Variants in LONRF3 observed in about 807,000 individuals in gnomAD.
The protein encoded by LONRF3 is LON peptidase N-terminal domain and RING finger protein 3.
Under a neutral mutation model 51.7 loss-of-function variants are expected in LONRF3, and 19 were observed. That is an observed-to-expected ratio of 0.37 (90% CI 0.26 to 0.54). The LOEUF (loss-of-function observed/expected upper bound fraction) is 0.54. Among genes scored for constraint, LONRF3 ranks in the 20% least tolerant of loss-of-function variants. The probability of loss-of-function intolerance (pLI) is 0.86; values close to 1 mark genes in which losing one functional copy is unlikely to be tolerated. For synonymous variants in LONRF3, 265 were observed against 257.8 expected, an observed-to-expected ratio of 1.03 and a Z score of -0.27; for missense variants, 521 against 623.9, an observed-to-expected ratio of 0.84 and a Z score of 1.76.
At chrX:118,993,788 A>C (rs969708445) in intron 5 of LONRF3, among the ~76,000 whole-genome samples, 2 of 111,822 alleles carry the variant, frequency 1.8e-5, no homozygotes, top group Non-Finnish European at 3.8e-5. Context: ...GCACCAGCTA[A>C]CCTATAAAGG....
At chrX:119,002,182 T>G (rs1418198933) in intron 5 of LONRF3, among the ~76,000 whole-genome samples, 1 of 112,224 alleles carries the variant, frequency 8.9e-6, no homozygotes, top group Non-Finnish European at 1.9e-5. Context: ...GTAACCCCTC[T>G]CAGTTCAAGA....
At chrX:118,998,503 G>A (rs373946250) in intron 5 of LONRF3, among the ~76,000 whole-genome samples, 9 of 110,719 alleles carry the variant, frequency 8.1e-5, no homozygotes, top group African/African-American at 3.0e-4. Flanking sequence ...CAAATACGGT[G>A]CAGTGTATAA....
intron 6 of LONRF3, among the ~76,000 whole-genome samples, chrX:119,007,016 G>A (rs1924784611): frequency 8.9e-6 from 1 of 112,395 alleles, no homozygotes; most frequent in African/African-American, 3.2e-5. Flanking sequence ...GAGCCACCAC[G>A]CCCAGCCTAT....
intron 3 of LONRF3, among the ~76,000 whole-genome samples, chrX:118,987,445 GTTTTTTTTTTTTTT>G (rs369180848): frequency 3.1e-5 from 1 of 32,304 alleles, no homozygotes; most frequent in Non-Finnish European, 4.7e-5. Flanking sequence ...GCCTGGCTAA[GTTTTTTTTTTTTTT>G]TTTTTTTTTT....
chrX:118,984,373 A>G lies in LONRF3; in HGVS notation c.1059+1430A>G, dbSNP rs1011604096. ...AGTAGCAATGGAACTTTCCAGTTCCAGGATGAACAAAGGCAGTTAGAAGAA... is the reference window on the plus strand; with the variant it reads ...AGTAGCAATGGAACTTTCCAGTTCCGGGATGAACAAAGGCAGTTAGAAGAA... On this transcript the variant is annotated intron_variant, in intron 3 of 10. Transcript: ENST00000371628. 2.7e-5 allele frequency among the ~76,000 whole-genome samples: 3 copies of G among 112,643 alleles called. No homozygotes were observed. The Admixed American group carries it at 2.8e-4, about 11-fold the overall frequency.
intron 5 of LONRF3, among the ~76,000 whole-genome samples, chrX:119,005,058 C>T (rs1363096142): frequency 8.9e-6 from 1 of 112,269 alleles, no homozygotes; most frequent in East Asian, 2.8e-4. Flanking sequence ...TGGCATGTTG[C>T]TTCTTCTACT....
chrX:118,978,998 C>CTTTTTTTTTT (rs36016675), intron 2 of LONRF3, among the ~76,000 whole-genome samples: 9 of 56,073 alleles, frequency 1.6e-4, no homozygotes, highest in Admixed American at 2.3e-4. Flanking sequence ...TGTTTTCTTT[C>CTTTTTTTTTT]TTTTTTTTTT....
intron 3 of LONRF3, among the ~76,000 whole-genome samples, chrX:118,988,030 C>T (rs752313894): frequency 9.0e-5 from 10 of 111,136 alleles, no homozygotes; most frequent in East Asian, 2.8e-4. Flanking sequence ...GGATCAGAAG[C>T]GCAGACTCCA....
intron 9 of LONRF3, among the ~76,000 whole-genome samples, chrX:119,013,713 A>G (rs1280040695): frequency 1.8e-5 from 2 of 111,843 alleles, no homozygotes; most frequent in African/African-American, 6.5e-5. Flanking sequence ...AATGGGTGGA[A>G]GAAGAGGTAA....
intron 5 of LONRF3, among the ~76,000 whole-genome samples, chrX:118,992,275 A>G (rs1603250422): frequency 1.8e-5 from 2 of 111,426 alleles, no homozygotes; most frequent in Admixed American, 1.9e-4. Flanking sequence ...GCCTCGGTCG[A>G]GTTCTCAAGT....
intron 3 of LONRF3, among the ~76,000 whole-genome samples, chrX:118,989,101 G>A (rs898755320): frequency 2.7e-5 from 3 of 111,029 alleles, no homozygotes; most frequent in African/African-American, 9.8e-5. Flanking sequence ...GGGAACTGGT[G>A]CCTATCCCTG....
rs1172209560 is a variant in LONRF3, at chrX:118,974,744, C to T, written c.-37C>T. ...CCACTCCTTGCTTCGTGTCCCCGGT[C>T]CCTAGACGCCTCGTCTCCTCCCGTG... On this transcript the variant is annotated 5_prime_UTR_variant, in exon 1 of 11. Coordinates refer to ENST00000371628, the MANE Select transcript of LONRF3 (RefSeq NM_001031855.3). 1.8e-6 allele frequency: 2 copies of T among 1,102,531 alleles called. No individual in the cohort carries two copies. The highest frequency in any genetic ancestry group is 6.5e-5 in the East Asian group (2 of 30,537). 90.9% of individuals were successfully genotyped at this position (1,102,531 alleles called of 1,213,427 possible).
chrX:119,015,636 C>T (rs1385706261), intron 10 of LONRF3, among the ~76,000 whole-genome samples: 3 of 112,268 alleles, frequency 2.7e-5, no homozygotes, highest in East Asian at 5.6e-4. Flanking sequence ...TTCCGGGAAG[C>T]GTTCTCCCTT....
In LONRF3 at chrX:119,006,221, G is replaced by A. The variant is rs758012861; in HGVS notation, c.1516G>A (p.Asp506Asn). ...CAACGCAAAGTGTCCATTGTGCAAAGACGGTCTTTCACAGGTAAATCAATA... is the reference window on the plus strand; with the variant it reads ...CAACGCAAAGTGTCCATTGTGCAAAAACGGTCTTTCACAGGTAAATCAATA... Reference protein sequence around the residue: ...DHNAKCPLCKDGLSQCLASRK... With the variant: ...DHNAKCPLCKNGLSQCLASRK... The change falls in exon 6 of 11, where the codon GAC (aspartate) becomes AAC (asparagine). Residue 506 changes from aspartate to asparagine, a missense_variant. Physicochemically the swap from Asp to Asn is conservative, Grantham distance 23 (BLOSUM62 1). Transcript: ENST00000371628. The A allele has an allele frequency of 3.4e-6, 4 of 1,165,562 alleles. No individual in the cohort carries two copies. In the Admixed American group the frequency reaches 9.0e-5, roughly 26 times the overall value.
intron 1 of LONRF3, among the ~76,000 whole-genome samples, chrX:118,976,079 C>G (rs1430933045): frequency 4.4e-5 from 5 of 113,060 alleles, no homozygotes; most frequent in East Asian, 5.7e-4. Flanking sequence ...CACTTGCGCC[C>G]GGTCCTCTGG....
chrX:118,982,503 C>T (rs1032916004), intron 2 of LONRF3, among the ~76,000 whole-genome samples: 6 of 111,365 alleles, frequency 5.4e-5, no homozygotes, highest in Non-Finnish European at 7.5e-5. Context: ...ATGGTCACTC[C>T]GTACAATGGT....
Position 118,975,170 on chromosome X carries a change from C to T in LONRF3, c.390C>T (p.Ser130=), listed in dbSNP as rs1360868397. 8 of 1,176,083 alleles carry T rather than the reference C, an allele frequency of 6.8e-6. No individual in the cohort carries two copies. The highest frequency in any genetic ancestry group is 9.1e-6 in the Non-Finnish European group (8 of 878,214). ...CGCCGGCGCCCCCGGACGAGGGTAG[C>T]ACTGCAAGCGGCACCGTGGCGGCGG... is the stretch of plus-strand genomic sequence containing the variant. ...ALAPAPPDEG[S]TASGTVAAEE... Residue 130 remains serine (S), a synonymous_variant, in exon 1 of 11, where the codon AGC becomes AGT. Coordinates refer to ENST00000371628, the MANE Select transcript of LONRF3 (RefSeq NM_001031855.3).
intron 5 of LONRF3, among the ~76,000 whole-genome samples, chrX:118,993,129 C>A (rs7054825): frequency 2.4e-4 from 26 of 108,594 alleles, no homozygotes; most frequent in East Asian, 2.0e-3. Flanking sequence ...CACCCCCCCC[C>A]AAAAACCACA....
Position 119,011,817 on chromosome X carries a change from T to C in LONRF3, c.1655T>C (p.Leu552Pro), listed in dbSNP as rs139093891. The change falls in exon 8 of 11, where the codon CTT becomes CCT. Residue 552 changes from leucine (L) to proline (P), a missense_variant and splice_region_variant. Physicochemically the swap from Leu to Pro is moderately conservative, Grantham distance 98 (BLOSUM62 -3). Around this residue, in one of 2 missense-constraint regions of LONRF3, gnomAD observed 145 missense variants for 247.2 expected, o/e 0.59. Coordinates refer to ENST00000371628, the MANE Select transcript of LONRF3 (RefSeq NM_001031855.3). ...CTGTCATTTTCTCTTTCTGACAGCC[T>C]TAATAAGAATGTGCCTATTTTCGTG... ...YEEEMEELSN[L>P]NKNVPIFVCT... The C allele has an allele frequency of 2.1e-5, 25 of 1,209,293 alleles. No homozygotes were observed. The African/African-American group carries it at 3.8e-4, about 19-fold the overall frequency.
Sources: allele counts gnomAD v4.1 joint callset (sites outside exome capture counted in the v4.1 genomes callset), GRCh38; gene constraint gnomAD v4.1.1; regional missense constraint gnomAD v4.1.1; transcripts MANE v1.5; gene names NCBI Gene and HGNC (gene_info 2026-07-23, HGNC 2026-07-21).